Variants in INVS observed in about 807,000 individuals in gnomAD.
INVS encodes inversin, also known as inversion of embryo turning homolog.
Under a neutral mutation model 108.8 loss-of-function variants are expected in INVS, and 86 were observed. The ratio of observed to expected loss-of-function variants is 0.79; its 90% CI spans 0.66 to 0.95. INVS has a LOEUF of 0.95. Ranked by LOEUF, INVS falls within the 40% of genes least tolerant of loss-of-function variation. INVS has a pLI of 0.00. For synonymous variants in INVS, 455 were observed against 473.5 expected (o/e 0.96, Z 0.51); for missense variants, 1,169 against 1,297.4 (o/e 0.90, Z 1.52).
chr9:100,246,092 G>A (rs1172111718), intron 7 of INVS, among the ~76,000 whole-genome samples: 1 of 151,418 alleles, frequency 6.6e-6, no homozygotes, highest in Non-Finnish European at 1.5e-5. Context: ...GGCAGAGGTT[G>A]CAGTGAGCCG....
At chr9:100,286,960 G>C (rs1447846313) in intron 13 of INVS, among the ~76,000 whole-genome samples, 9 of 152,084 alleles carry the variant, frequency 5.9e-5, no homozygotes, top group Admixed American at 5.9e-4. Flanking sequence ...GTAAGAGTAG[G>C]GTTGCTTCCA....
intron 3 of INVS, among the ~76,000 whole-genome samples, chr9:100,138,408 A>G (rs1037312252): frequency 2.0e-5 from 3 of 151,810 alleles, no homozygotes; most frequent in Admixed American, 6.6e-5. Context: ...TTCCGTCTCA[A>G]AAAAAAATTT....
chr9:100,273,100 C>T (rs200831729), intron 12 of INVS, 24 bp downstream of exon 12: 611 of 1,592,402 alleles, frequency 3.8e-4, no homozygotes, highest in Non-Finnish European at 5.0e-4. Context: ...ACGCAGATTG[C>T]GTTTTCGCCA....
chr9:100,295,807 C>T (rs1057203227), intron 14 of INVS, among the ~76,000 whole-genome samples: 4 of 152,236 alleles, frequency 2.6e-5, no homozygotes, highest in African/African-American at 9.6e-5. Context: ...GCTTCAGCCA[C>T]TACCTGGGCT....
intron 3 of INVS, among the ~76,000 whole-genome samples, chr9:100,216,663 C>T (rs1190232696): frequency 6.6e-6 from 1 of 152,174 alleles, no homozygotes; most frequent in Non-Finnish European, 1.5e-5. Context: ...CCTAAAGATC[C>T]ATGTCAAATA....
intron 3 of INVS, among the ~76,000 whole-genome samples, chr9:100,165,479 A>G (rs566943484): frequency 6.6e-6 from 1 of 152,290 alleles, no homozygotes; most frequent in South Asian, 2.1e-4. Context: ...CATATCTACT[A>G]TTAGATTACT....
intron 2 of INVS, among the ~76,000 whole-genome samples, chr9:100,109,492 G>A (rs1220536449): frequency 6.6e-6 from 1 of 152,164 alleles, no homozygotes. Context: ...AAAATAATTT[G>A]TAAATATGCA....
chr9:100,144,452 A>T (rs2118959183), intron 3 of INVS, among the ~76,000 whole-genome samples: 1 of 152,206 alleles, frequency 6.6e-6, no homozygotes, highest in African/African-American at 2.4e-5. Flanking sequence ...AGGGCTGTAA[A>T]GCGTCTCAGG....
chr9:100,259,809 C>T (rs1265575160), intron 10 of INVS, among the ~76,000 whole-genome samples: 2 of 151,912 alleles, frequency 1.3e-5, no homozygotes, highest in Non-Finnish European at 2.9e-5. Context: ...CTCGGCCTCC[C>T]TAAGTGCTGG....
intron 8 of INVS, among the ~76,000 whole-genome samples, chr9:100,249,342 A>T (rs1391639406): frequency 6.6e-6 from 1 of 152,180 alleles, no homozygotes; most frequent in African/African-American, 2.4e-5. Context: ...CTGAAATGCT[A>T]CAATTCTGTG....
At chr9:100,278,438 T>C (rs1388716120) in intron 12 of INVS, among the ~76,000 whole-genome samples, 1 of 152,066 alleles carries the variant, frequency 6.6e-6, no homozygotes, top group African/African-American at 2.4e-5. Flanking sequence ...TACTTCTCCT[T>C]TAGCACTCAT....
intron 3 of INVS, among the ~76,000 whole-genome samples, chr9:100,159,518 C>T (rs1248432568): frequency 1.3e-5 from 2 of 152,150 alleles, no homozygotes; most frequent in Admixed American, 1.3e-4. Flanking sequence ...ATTCCTGGAA[C>T]ATTGCTTTAT....
Position 100,284,577 on chromosome 9 carries a change from A to T in INVS, c.2042A>T (p.Gln681Leu). The change falls in exon 13 of 17, where the codon CAG becomes CTG. Residue 681 changes from glutamine to leucine, a missense_variant. Physicochemically the swap from Gln to Leu is moderately radical, Grantham distance 113. Coordinates refer to ENST00000262457, the MANE Select transcript of INVS (RefSeq NM_014425.5). ...QKEQHVSSDL[Q>L]GTNSRRPNET... ...GAGCAGCATGTTTCCTCAGATTTGC[A>T]GGGAACAAACTCCAGAAGGCCAAAT... The T allele has an allele frequency of 6.2e-7, 1 of 1,613,596 alleles. No homozygotes were observed. The highest frequency in any genetic ancestry group is 8.5e-7 in the Non-Finnish European group (1 of 1,179,670).
intron 5 of INVS, among the ~76,000 whole-genome samples, chr9:100,230,663 C>T (rs890826767): frequency 6.6e-6 from 1 of 152,090 alleles, no homozygotes; most frequent in African/African-American, 2.4e-5. Context: ...GGACTGCAGG[C>T]GTGCGCCACC....
rs547504164 is a variant in INVS, at chr9:100,100,969, T to C, written c.-25+1553T>C. ...ATACATATATATTATATATATAATATATATTATATATATAATATATATGTA... is the reference window on the plus strand; with the variant it reads ...ATACATATATATTATATATATAATACATATTATATATATAATATATATGTA... On this transcript the variant is annotated intron_variant, in intron 1 of 16. Transcript: ENST00000262457. Among the ~76,000 whole-genome samples the C allele has an allele frequency of 8.1e-3, 590 of 72,550 alleles. 22 individuals are homozygous for C. Among genetic ancestry groups the C allele is most frequent in the Non-Finnish European group, 0.011 (487 of 43,444 alleles). 47.6% of individuals were successfully genotyped at this position (72,550 alleles called of 152,430 possible).
At chr9:100,229,391 A>G (rs1831436240) in intron 4 of INVS, among the ~76,000 whole-genome samples, 1 of 152,168 alleles carries the variant, frequency 6.6e-6, no homozygotes, top group Admixed American at 6.6e-5. Flanking sequence ...TTTGTGTCCC[A>G]GGTAGGATGG....
chr9:100,246,690 G>C lies in INVS; in HGVS notation c.981G>C (p.Met327Ile). The C allele has an allele frequency of 4.3e-6, 7 of 1,613,818 alleles. No homozygotes were observed. Among genetic ancestry groups the C allele is most frequent in the Non-Finnish European group, 5.9e-6 (7 of 1,179,734 alleles). The change falls in exon 8 of 17, where the codon ATG becomes ATC. Residue 327 changes from methionine (M) to isoleucine (I), a missense_variant. Physicochemically the swap from Met to Ile is conservative, Grantham distance 10 (BLOSUM62 1). Around this residue, in one of 3 missense-constraint regions of INVS, gnomAD observed 365 missense variants for 397.5 expected, o/e 0.92. Transcript: ENST00000262457. ...DSDLEGRTSFMWAAGKGSDDV... is the reference protein window; with the variant it reads ...DSDLEGRTSFIWAAGKGSDDV... ...ACCTGGAAGGAAGAACATCCTTTAT[G>C]TGGGCAGCTGGCAAAGGCAGTGATG...
At chr9:100,273,325 G>A (rs761791803) in intron 12 of INVS, among the ~76,000 whole-genome samples, 4 of 151,886 alleles carry the variant, frequency 2.6e-5, no homozygotes, top group Non-Finnish European at 4.4e-5. Context: ...TTCAGCCCAG[G>A]GACAAACCAC....
At chr9:100,114,841 A>G (rs900946391) in intron 2 of INVS, among the ~76,000 whole-genome samples, 2 of 152,162 alleles carry the variant, frequency 1.3e-5, no homozygotes, top group African/African-American at 4.8e-5. Flanking sequence ...CTCATTTTGC[A>G]GTTTAAGGAC....
Sources: allele counts gnomAD v4.1 joint callset (sites outside exome capture counted in the v4.1 genomes callset), GRCh38; gene constraint gnomAD v4.1.1; regional missense constraint gnomAD v4.1.1; transcripts MANE v1.5; gene names NCBI Gene and HGNC (gene_info 2026-07-23, HGNC 2026-07-21).